SGMS2: variants seen among roughly 807,000 people sequenced by gnomAD.
SGMS2 encodes phosphatidylcholine:ceramide cholinephosphotransferase 2.
SGMS2 carries 21 observed loss-of-function variants against 43.8 expected under a neutral mutation model. That is an observed-to-expected ratio of 0.48 (90% CI 0.34 to 0.69). The LOEUF (loss-of-function observed/expected upper bound fraction) is 0.69. Ranked by LOEUF, SGMS2 falls within the 30% of genes least tolerant of loss-of-function variation. The pLI, the probability that SGMS2 is intolerant of heterozygous loss-of-function variation, is 0.01. For synonymous variants in SGMS2, 167 were observed against 160.6 expected (o/e 1.04, Z -0.30); for missense variants, 384 against 443.2 (o/e 0.87, Z 1.20).
In SGMS2 at chr4:107,855,752, C is replaced by T. The variant is rs1055599218; in HGVS notation, c.-326-2720C>T. ...TCCAATGTTTTTTACTGATTTTCTG[C>T]GTGGATGATCTGTCCATTGCCAAAA... On this transcript the variant is annotated intron_variant, in intron 1 of 6. Transcript: ENST00000690982. 4.6e-5 allele frequency among the ~76,000 whole-genome samples: 7 copies of T among 152,182 alleles called. No homozygotes were observed. In the East Asian group the frequency reaches 9.6e-4, roughly 21 times the overall value.
chr4:107,895,682 G>A lies in SGMS2; in HGVS notation c.129G>A (p.Lys43=), dbSNP rs796557534. The A allele has an allele frequency of 1.2e-6, 2 of 1,613,974 alleles. No individual in the cohort carries two copies. Among genetic ancestry groups the A allele is most frequent in the African/African-American group, 1.3e-5 (1 of 75,034 alleles). The change falls in exon 3 of 7, where the codon AAG becomes AAA. Residue 43 remains lysine, a synonymous_variant. Transcript: ENST00000690982. The part of the protein sequence containing the change: ...EENKNGNGKP[K]SLSSGLRKGT... Reference sequence around the variant, plus strand: ...ACAAAAATGGCAATGGTAAACCCAAGAGCTTATCCAGTGGGCTGCGAAAAG... The same window carrying A: ...ACAAAAATGGCAATGGTAAACCCAAAAGCTTATCCAGTGGGCTGCGAAAAG...
At chr4:107,836,868 G>A (rs943725056) in intron 1 of SGMS2, among the ~76,000 whole-genome samples, 1 of 152,190 alleles carries the variant, frequency 6.6e-6, no homozygotes, top group African/African-American at 2.4e-5. Flanking sequence ...ATGGGCAGGG[G>A]AGGGAAGGGA....
intron 4 of SGMS2, among the ~76,000 whole-genome samples, 173 bp downstream of exon 4, chr4:107,899,865 A>T (rs1357824000): frequency 2.0e-5 from 3 of 152,156 alleles, no homozygotes; most frequent in Non-Finnish European, 4.4e-5. Flanking sequence ...TATAAAATAT[A>T]TACCTTTTGT....
chr4:107,907,094 C>T (rs1375896388), intron 5 of SGMS2: 1 of 152,132 alleles, frequency 6.6e-6, no homozygotes, highest in Non-Finnish European at 1.5e-5. Flanking sequence ...AGTAAGGCCT[C>T]TCCCATTAAA....
intron 1 of SGMS2, among the ~76,000 whole-genome samples, chr4:107,856,284 A>T (rs1172559823): frequency 6.6e-6 from 1 of 152,206 alleles, no homozygotes; most frequent in Non-Finnish European, 1.5e-5. Flanking sequence ...ATGTAGTCTT[A>T]ATGTAACACC....
intron 1 of SGMS2, among the ~76,000 whole-genome samples, chr4:107,827,487 GATA>G (rs1300503108): frequency 1.3e-5 from 2 of 152,188 alleles, no homozygotes; most frequent in African/African-American, 4.8e-5. Flanking sequence ...GCCTCCCACT[GATA>G]ATAAGAGATC....
intron 1 of SGMS2, among the ~76,000 whole-genome samples, chr4:107,852,238 A>C (rs1172800613): frequency 6.6e-6 from 1 of 151,156 alleles, no homozygotes; most frequent in East Asian, 2.0e-4. Context: ...ACACCCAGCT[A>C]ATTTTTTTTT....
At chr4:107,849,224 A>C (rs1727000879) in intron 1 of SGMS2, among the ~76,000 whole-genome samples, 1 of 152,076 alleles carries the variant, frequency 6.6e-6, no homozygotes, top group Non-Finnish European at 1.5e-5. Flanking sequence ...AGGAGGGTAC[A>C]ATGCGTTGCC....
At chr4:107,848,950 C>A (rs576340693) in intron 1 of SGMS2, among the ~76,000 whole-genome samples, 1 of 152,230 alleles carries the variant, frequency 6.6e-6, no homozygotes, top group African/African-American at 2.4e-5. Flanking sequence ...GGTGTTACAT[C>A]TAACAACCTA....
At chr4:107,866,584 A>C (rs1728142514) in intron 2 of SGMS2, among the ~76,000 whole-genome samples, 1 of 145,460 alleles carries the variant, frequency 6.9e-6, no homozygotes, top group Non-Finnish European at 1.5e-5. Flanking sequence ...AACCAAAAAC[A>C]AAAAAAAAAC....
chr4:107,874,870 T>C (rs1435338113), intron 2 of SGMS2, among the ~76,000 whole-genome samples: 3 of 152,148 alleles, frequency 2.0e-5, no homozygotes, highest in Non-Finnish European at 4.4e-5. Context: ...AAGGGTTGGG[T>C]TGAGATATCT....
At chr4:107,870,585 C>T (rs1478665305) in intron 2 of SGMS2, among the ~76,000 whole-genome samples, 1 of 152,058 alleles carries the variant, frequency 6.6e-6, no homozygotes, top group Non-Finnish European at 1.5e-5. Context: ...ATCACTTTTG[C>T]CAATTTTAAG....
chr4:107,897,349 A>G (rs775186861), intron 3 of SGMS2, among the ~76,000 whole-genome samples: 7 of 152,206 alleles, frequency 4.6e-5, no homozygotes, highest in Non-Finnish European at 1.0e-4. Context: ...TGCTCCTGAA[A>G]TTGTTAAAGG....
intron 5 of SGMS2, among the ~76,000 whole-genome samples, chr4:107,905,227 T>C (rs10000006): frequency 0.18 from 27,556 of 152,120 alleles, 6,173 homozygotes; most frequent in African/African-American, 0.53. Context: ...GCAAAAGGCA[T>C]GTTTTACATG....
chr4:107,852,696 C>G (rs1323995694), intron 1 of SGMS2, among the ~76,000 whole-genome samples: 1 of 151,924 alleles, frequency 6.6e-6, no homozygotes, highest in Non-Finnish European at 1.5e-5. Flanking sequence ...ATTGTACCTA[C>G]CCACCATGTT....
Position 107,903,403 on chromosome 4 carries a change from T to G in SGMS2, c.727+17T>G. On this transcript the variant is annotated intron_variant, in intron 5 of 6. Coordinates refer to ENST00000690982, the MANE Select transcript of SGMS2 (RefSeq NM_001375905.1). ...TCAAAGAATGTAAGTAATAGCCCATTCCCACTGAACTGATAGCTGTAGTGG... is the reference window on the plus strand; with the variant it reads ...TCAAAGAATGTAAGTAATAGCCCATGCCCACTGAACTGATAGCTGTAGTGG... The G allele has an allele frequency of 6.2e-7, 1 of 1,613,066 alleles. No homozygotes were observed. Among genetic ancestry groups the G allele is most frequent in the South Asian group, 1.1e-5 (1 of 91,040 alleles).
chr4:107,900,519 T>C (rs776086162), intron 4 of SGMS2, among the ~76,000 whole-genome samples: 3 of 152,162 alleles, frequency 2.0e-5, no homozygotes, highest in Non-Finnish European at 4.4e-5. Flanking sequence ...CCAAGGTTCT[T>C]TAGCAGCTGG....
intron 2 of SGMS2, among the ~76,000 whole-genome samples, chr4:107,863,173 A>G (rs1292659783): frequency 6.6e-6 from 1 of 152,200 alleles, no homozygotes; most frequent in Non-Finnish European, 1.5e-5. Context: ...CTCTAATTGT[A>G]AAAATAGCCC....
At chr4:107,844,387 A>G (rs1414144009) in intron 1 of SGMS2, among the ~76,000 whole-genome samples, 1 of 151,180 alleles carries the variant, frequency 6.6e-6, no homozygotes, top group Non-Finnish European at 1.5e-5. Context: ...GCATGTAACT[A>G]AAGTGTCTAG....
Sources: allele counts gnomAD v4.1 joint callset (sites outside exome capture counted in the v4.1 genomes callset), GRCh38; gene constraint gnomAD v4.1.1; transcripts MANE v1.5; gene names NCBI Gene and HGNC (gene_info 2026-07-23, HGNC 2026-07-21).